Variants in KCNMB4 observed in about 807,000 individuals in gnomAD.
KCNMB4 encodes the protein potassium calcium-activated channel subfamily M regulatory beta subunit 4.
A neutral mutation model predicts 20.7 loss-of-function variants in KCNMB4; 3 were observed. The observed-to-expected ratio is 0.14, with a 90% confidence interval of 0.07 to 0.37. The LOEUF is 0.37. KCNMB4 is among the 10% of genes least tolerant of loss of function. KCNMB4 has a pLI of 1.00. For missense variants in KCNMB4, 168 were observed against 265.9 expected (o/e 0.63, Z 2.56); for synonymous variants, 110 against 113.4 (o/e 0.97, Z 0.19).
At chr12:70,400,971 G>A (rs1868434548) in intron 2 of KCNMB4, among the ~76,000 whole-genome samples, 1 of 152,082 alleles carries the variant, frequency 6.6e-6, no homozygotes, top group South Asian at 2.1e-4. Context: ...AGAAACCTTT[G>A]AGTAATGCTT....
At chr12:70,421,971 GGTAA>G (rs1184229775) in intron 2 of KCNMB4, among the ~76,000 whole-genome samples, 1 of 150,230 alleles carries the variant, frequency 6.7e-6, no homozygotes, top group Non-Finnish European at 1.5e-5. Context: ...TGGATTTTTT[GGTAA>G]GTGTGGGGAG....
chr12:70,429,666 CAAAAAAAAA>C (rs11320039), intron 2 of KCNMB4, among the ~76,000 whole-genome samples: 2 of 117,188 alleles, frequency 1.7e-5, no homozygotes, highest in Admixed American at 9.0e-5. Context: ...GACTCCATCT[CAAAAAAAAA>C]AAAAAAAAAG....
chr12:70,398,414 C>A (rs189571203), intron 1 of KCNMB4, among the ~76,000 whole-genome samples: 1 of 152,146 alleles, frequency 6.6e-6, no homozygotes. Context: ...CTAATGGTCT[C>A]CATTGCTTCC....
At chr12:70,374,927 A>G (rs1330610173) in intron 1 of KCNMB4, among the ~76,000 whole-genome samples, 2 of 152,218 alleles carry the variant, frequency 1.3e-5, no homozygotes, top group Non-Finnish European at 2.9e-5. Flanking sequence ...TGTTCTTTGT[A>G]ATAAATATAT....
intron 1 of KCNMB4, among the ~76,000 whole-genome samples, chr12:70,393,241 C>T (rs982463042): frequency 3.3e-5 from 5 of 152,102 alleles, no homozygotes; most frequent in African/African-American, 4.8e-5. Flanking sequence ...CTCACTCTGT[C>T]GCCCAGACTG....
At chr12:70,407,831 C>A (rs922604930) in intron 2 of KCNMB4, among the ~76,000 whole-genome samples, 5 of 151,924 alleles carry the variant, frequency 3.3e-5, no homozygotes, top group African/African-American at 1.2e-4. Flanking sequence ...CGGTCCCCAT[C>A]CTCCAAGAGT....
At chr12:70,385,522 A>G (rs1280141026) in intron 1 of KCNMB4, among the ~76,000 whole-genome samples, 1 of 152,212 alleles carries the variant, frequency 6.6e-6, no homozygotes, top group East Asian at 1.9e-4. Context: ...GCACAACTTT[A>G]TAGCCTTGAA....
intron 2 of KCNMB4, among the ~76,000 whole-genome samples, chr12:70,425,874 C>T (rs1000272899): frequency 5.3e-5 from 8 of 152,202 alleles, no homozygotes; most frequent in African/African-American, 1.7e-4. Flanking sequence ...CGCAGTGGCT[C>T]ACGCCCATAA....
At chr12:70,422,722 C>G in intron 2 of KCNMB4, 2 of 1,289,014 alleles carry the variant, frequency 1.6e-6, no homozygotes, top group Non-Finnish European at 2.0e-6. Context: ...GATGATTACC[C>G]CTCTTTATTT....
At chr12:70,408,714 A>C (rs1253986263) in intron 2 of KCNMB4, among the ~76,000 whole-genome samples, 1 of 150,840 alleles carries the variant, frequency 6.6e-6, no homozygotes, top group East Asian at 2.0e-4. Context: ...TAACCTTTCC[A>C]CTCTTTGCCT....
At chr12:70,424,424 G>A (rs1448457834) in intron 2 of KCNMB4, among the ~76,000 whole-genome samples, 6 of 136,324 alleles carry the variant, frequency 4.4e-5, no homozygotes, top group African/African-American at 1.1e-4. Flanking sequence ...CTGGGCAACA[G>A]AGCGAGACTC....
intron 2 of KCNMB4, among the ~76,000 whole-genome samples, chr12:70,417,212 T>C (rs1379892360): frequency 6.6e-6 from 1 of 152,218 alleles, no homozygotes; most frequent in Non-Finnish European, 1.5e-5. Context: ...AACAAATTAC[T>C]GTGAGATGAG....
chr12:70,411,747 T>C (rs1288261792), intron 2 of KCNMB4, among the ~76,000 whole-genome samples: 1 of 152,130 alleles, frequency 6.6e-6, no homozygotes, highest in Non-Finnish European at 1.5e-5. Flanking sequence ...AGTTTAAGGC[T>C]AGCCTGGGCA....
At chr12:70,412,717 G>A (rs1868814163) in intron 2 of KCNMB4, among the ~76,000 whole-genome samples, 1 of 152,036 alleles carries the variant, frequency 6.6e-6, no homozygotes, top group African/African-American at 2.4e-5. Context: ...TATACAAATG[G>A]GGAAAATGTG....
intron 1 of KCNMB4, among the ~76,000 whole-genome samples, chr12:70,374,470 A>G (rs923681670): frequency 3.9e-5 from 6 of 152,314 alleles, no homozygotes; most frequent in Non-Finnish European, 7.4e-5. Flanking sequence ...TATGTTTCCA[A>G]CCATTCCTCA....
chr12:70,383,730 T>G (rs1371893757), intron 1 of KCNMB4, among the ~76,000 whole-genome samples: 1 of 152,218 alleles, frequency 6.6e-6, no homozygotes, highest in Non-Finnish European at 1.5e-5. Flanking sequence ...ATGGCCTTTT[T>G]CCCTCTGTAT....
chr12:70,429,920 C>T (rs1869314906), intron 2 of KCNMB4, among the ~76,000 whole-genome samples: 1 of 152,160 alleles, frequency 6.6e-6, no homozygotes, highest in Admixed American at 6.5e-5. Context: ...AAAAGGCACT[C>T]ATTCAGCCAT....
chr12:70,371,984 G>C (rs372795872), intron 1 of KCNMB4, among the ~76,000 whole-genome samples: 2 of 152,192 alleles, frequency 1.3e-5, no homozygotes, highest in African/African-American at 4.8e-5. Flanking sequence ...TGGACAGGGT[G>C]GTCAGGGAAG....
At chr12:70,379,402 C>A (rs942796291) in intron 1 of KCNMB4, among the ~76,000 whole-genome samples, 2 of 152,122 alleles carry the variant, frequency 1.3e-5, no homozygotes, top group African/African-American at 4.8e-5. Context: ...TCTACATGAG[C>A]ACTTGCTGCT....
Sources: gnomAD v4.1 joint callset for allele counts (sites outside exome capture counted in the v4.1 genomes callset) on GRCh38, gnomAD v4.1.1 for gene constraint, MANE v1.5 for transcripts, NCBI Gene and HGNC (gene_info 2026-07-23, HGNC 2026-07-21) for gene names.